EYS: variants seen among roughly 807,000 people sequenced by gnomAD.
EYS encodes protein eyes shut homolog.
A neutral mutation model predicts 282.1 loss-of-function variants in EYS; 250 were observed. That is an observed-to-expected ratio of 0.89 (90% CI 0.80 to 0.98). The LOEUF (loss-of-function observed/expected upper bound fraction) is 0.98. Ranked by LOEUF, EYS falls within the 50% of genes least tolerant of loss-of-function variation. EYS has a pLI of 0.00. For missense variants in EYS, 4,016 were observed against 3,709.0 expected, an observed-to-expected ratio of 1.08 and a Z score of -2.15; for synonymous variants, 1,355 against 1,282.9, an observed-to-expected ratio of 1.06 and a Z score of -1.20.
intron 35 of EYS, among the ~76,000 whole-genome samples, chr6:63,934,987 C>T (rs114635279): frequency 1.3e-5 from 2 of 152,306 alleles, no homozygotes; most frequent in Non-Finnish European, 2.9e-5. Context: ...CACAGCCCCG[C>T]ACCTCCTCCT....
At chr6:63,839,861 C>T (rs144752960) in intron 36 of EYS, among the ~76,000 whole-genome samples, 302 of 152,236 alleles carry the variant, frequency 2.0e-3, no homozygotes, top group Middle Eastern at 6.8e-3. Context: ...TGTACATCCT[C>T]GCCAGCATTT....
At chr6:64,026,597 T>C (rs1280017111) in intron 33 of EYS, among the ~76,000 whole-genome samples, 1 of 152,168 alleles carries the variant, frequency 6.6e-6, no homozygotes, top group Non-Finnish European at 1.5e-5. Context: ...AAATACCTTA[T>C]GTCCAAGCTT....
At chr6:64,543,782 G>A (rs1387422671) in intron 26 of EYS, among the ~76,000 whole-genome samples, 1 of 152,128 alleles carries the variant, frequency 6.6e-6, no homozygotes, top group Non-Finnish European at 1.5e-5. Flanking sequence ...CCTGTGATGT[G>A]AGAATAATAA....
In EYS at chr6:65,009,714, C is replaced by T. The variant is rs557717744; in HGVS notation, c.2138-12011G>A. The stretch of plus-strand genomic sequence containing the variant: ...TGCCCTTTCAGAAACCTTGTGCCAT[C>T]AAGCCACCCAAGAGCTCTTACATTT... On this transcript the variant is annotated intron_variant, in intron 13 of 42. Transcript: ENST00000503581. 4.6e-5 allele frequency among the ~76,000 whole-genome samples: 7 copies of T among 152,172 alleles called. No individual in the cohort carries two copies. The South Asian group carries it at 1.4e-3, about 31-fold the overall frequency.
At chr6:64,313,148 G>A (rs777382037) in intron 29 of EYS, among the ~76,000 whole-genome samples, 88 of 152,244 alleles carry the variant, frequency 5.8e-4, no homozygotes, top group Non-Finnish European at 1.1e-3. Flanking sequence ...CAGGTTAAAC[G>A]AATTGCTAAC....
At chr6:64,995,431 C>T (rs1415101951) in intron 14 of EYS, among the ~76,000 whole-genome samples, 1 of 151,434 alleles carries the variant, frequency 6.6e-6, no homozygotes, top group Non-Finnish European at 1.5e-5. Context: ...TTTCTGAGTT[C>T]TTCTTATACA....
In EYS at chr6:65,142,803, A is replaced by T. The variant is rs142833031; in HGVS notation, c.2024-85076T>A. 2.5e-3 allele frequency among the ~76,000 whole-genome samples: 386 copies of T among 152,110 alleles called. 2 individuals carry two copies. Among genetic ancestry groups the T allele is most frequent in the Middle Eastern group, 3.4e-3 (1 of 294 alleles). Reference sequence around the variant, plus strand: ...TATTTTTCCTGACTTCTCATCTAAAACTATGGAGGCTAGAAGATAGTGGAG... The same window carrying T: ...TATTTTTCCTGACTTCTCATCTAAATCTATGGAGGCTAGAAGATAGTGGAG... On this transcript the variant is annotated intron_variant, in intron 12 of 42. Transcript: ENST00000503581.
chr6:65,496,364 A>T (rs1348092840), intron 2 of EYS, among the ~76,000 whole-genome samples: 1 of 152,136 alleles, frequency 6.6e-6, no homozygotes, highest in Non-Finnish European at 1.5e-5. Flanking sequence ...TTCTGAGTTT[A>T]ATATATTGAC....
intron 35 of EYS, among the ~76,000 whole-genome samples, chr6:63,974,029 A>G (rs1023947999): frequency 6.6e-6 from 1 of 152,152 alleles, no homozygotes; most frequent in Non-Finnish European, 1.5e-5. Context: ...TTTTCTTTCT[A>G]AATTAATCAC....
chr6:64,738,603 G>A (rs915761223), intron 22 of EYS, among the ~76,000 whole-genome samples: 5 of 152,118 alleles, frequency 3.3e-5, no homozygotes, highest in African/African-American at 1.2e-4. Flanking sequence ...TATTTGTATA[G>A]GAAATGGCAT....
chr6:65,325,000 A>G (rs1177743624), intron 11 of EYS, among the ~76,000 whole-genome samples: 4 of 152,220 alleles, frequency 2.6e-5, no homozygotes, highest in African/African-American at 7.2e-5. Flanking sequence ...AGGTGGTGGA[A>G]GAGCTTTCGG....
intron 12 of EYS, among the ~76,000 whole-genome samples, chr6:65,106,284 T>C (rs1402142482): frequency 6.6e-6 from 1 of 152,022 alleles, no homozygotes; most frequent in African/African-American, 2.4e-5. Context: ...ACATATATTA[T>C]AAAAATTTCT....
chr6:64,317,249 C>A (rs1582588307), intron 29 of EYS, among the ~76,000 whole-genome samples: 1 of 151,628 alleles, frequency 6.6e-6, no homozygotes, highest in East Asian at 1.9e-4. Flanking sequence ...GAAAAAGAAA[C>A]TATCATCAGA....
chr6:65,571,791 G>A lies in EYS; in HGVS notation c.-333+67987C>T, dbSNP rs148924283. 2.4e-3 allele frequency among the ~76,000 whole-genome samples: 371 copies of A among 151,886 alleles called. 5 individuals are homozygous for A. Among genetic ancestry groups the A allele is most frequent in the African/African-American group, 8.3e-3 (343 of 41,492 alleles). On this transcript the variant is annotated intron_variant, in intron 2 of 42. Coordinates refer to ENST00000503581, the MANE Select transcript of EYS (RefSeq NM_001142800.2). ...AAAAAACATTTTTTAAAAAACCTTC[G>A]AAAAACAGTAAAGAAGATCCAAATC...
chr6:64,323,148 T>C (rs1770279720), intron 29 of EYS, among the ~76,000 whole-genome samples: 1 of 79,126 alleles, frequency 1.3e-5, no homozygotes, highest in Non-Finnish European at 3.0e-5. Flanking sequence ...CAATTAATTT[T>C]AGAATAATTT....
At chr6:64,753,430 C>A (rs1772829597) in intron 22 of EYS, among the ~76,000 whole-genome samples, 2 of 150,766 alleles carry the variant, frequency 1.3e-5, no homozygotes, top group Admixed American at 1.3e-4. Flanking sequence ...AAAAGATATG[C>A]CAATGGAAAC....
chr6:64,474,270 A>G (rs967007582), intron 26 of EYS, among the ~76,000 whole-genome samples: 5 of 152,180 alleles, frequency 3.3e-5, no homozygotes, highest in Non-Finnish European at 7.4e-5. Flanking sequence ...TGTTCAACTA[A>G]GGCTAGCATA....
At chr6:65,288,241 T>A (rs969010757) in intron 12 of EYS, among the ~76,000 whole-genome samples, 5 of 150,840 alleles carry the variant, frequency 3.3e-5, no homozygotes, top group African/African-American at 7.3e-5. Flanking sequence ...TTGACAAACA[T>A]ATTATGTCTG....
At chr6:65,620,641 T>C (rs1338001665) in intron 2 of EYS, among the ~76,000 whole-genome samples, 1 of 150,672 alleles carries the variant, frequency 6.6e-6, no homozygotes, top group South Asian at 2.1e-4. Context: ...TTAATTGTGA[T>C]GTTAGGGTGT....
Sources: allele counts gnomAD v4.1 joint callset (sites outside exome capture counted in the v4.1 genomes callset), GRCh38; gene constraint gnomAD v4.1.1; transcripts MANE v1.5; gene names NCBI Gene and HGNC (gene_info 2026-07-23, HGNC 2026-07-21).